The following RELB variants were observed in gnomAD, a reference collection of about 807,000 sequenced individuals.
The protein encoded by RELB is transcription factor RelB.
RELB carries 14 observed loss-of-function variants against 55.4 expected under a neutral mutation model. That is an observed-to-expected ratio of 0.25 (90% CI 0.17 to 0.40). The LOEUF (loss-of-function observed/expected upper bound fraction) is 0.40, where lower values mean the gene tolerates loss of function less well. Among genes scored for constraint, RELB ranks in the 10% least tolerant of loss-of-function variants. The pLI is 1.00. For missense variants in RELB, 669 were observed against 830.7 expected, an observed-to-expected ratio of 0.81 and a Z score of 2.39; for synonymous variants, 409 against 371.3, an observed-to-expected ratio of 1.10 and a Z score of -1.17.
At chr19:45,033,609 C>T (rs907460862) in intron 9 of RELB, among the ~76,000 whole-genome samples, 36 of 151,540 alleles carry the variant, frequency 2.4e-4, no homozygotes, top group Non-Finnish European at 2.8e-4. Flanking sequence ...TGCTTGAACC[C>T]GGGAGGCAGA....
intron 8 of RELB, 63 bp from the exon 9 acceptor site, chr19:45,032,471 G>A (rs1024862858): frequency 3.6e-6 from 5 of 1,380,632 alleles, no homozygotes; most frequent in Admixed American, 2.0e-5. Context: ...GGGAGGCTGG[G>A]CAAGTTGGGA....
Position 45,012,169 on chromosome 19 carries a change from C to A in RELB, c.397C>A (p.Pro133Thr). Reference protein sequence around the residue: ...PQPHLVITEQPKQRGMRFRYE... With the variant: ...PQPHLVITEQTKQRGMRFRYE... Reference sequence around the variant, plus strand: ...GCCGCACCTGGTCATCACGGAGCAGCCCAAGCAGCGCGGCATGCGCTTCCG... The same window carrying A: ...GCCGCACCTGGTCATCACGGAGCAGACCAAGCAGCGCGGCATGCGCTTCCG... Residue 133 changes from proline to threonine, a missense_variant, in exon 4 of 12, where the codon CCC becomes ACC. By Grantham distance (38) the Pro-to-Thr change is conservative. Around this residue, in one of 3 missense-constraint regions of RELB, gnomAD observed 323 missense variants for 368.5 expected, o/e 0.88. Coordinates refer to ENST00000221452, the MANE Select transcript of RELB (RefSeq NM_006509.4). 1 of 1,558,550 alleles carries A rather than the reference C, an allele frequency of 6.4e-7. No homozygotes were observed. The highest frequency in any genetic ancestry group is 1.2e-5 in the South Asian group (1 of 84,820).
chr19:45,013,212 C>T (rs1005829096), intron 4 of RELB, among the ~76,000 whole-genome samples: 2 of 151,710 alleles, frequency 1.3e-5, no homozygotes, highest in Non-Finnish European at 2.9e-5. Context: ...TGTGATCTCG[C>T]CTCACTGCAA....
At position 45,033,763 on chromosome 19, in the gene RELB, G is replaced by A. The variant is rs367913732; in HGVS notation, c.1208-481G>A. Reference sequence around the variant, plus strand: ...TCGCCGTGTTGGTCAGGCTGGTCTCGGACTCCTGACCTCAGGTGATCCGCC... The same window carrying A: ...TCGCCGTGTTGGTCAGGCTGGTCTCAGACTCCTGACCTCAGGTGATCCGCC... On this transcript the variant is annotated intron_variant, in intron 9 of 11. Coordinates refer to ENST00000221452, the MANE Select transcript of RELB (RefSeq NM_006509.4). Among the ~76,000 whole-genome samples, 16 of 150,876 alleles carry A rather than the reference G, an allele frequency of 1.1e-4. No homozygotes were observed. The East Asian group carries it at 3.1e-3, about 29-fold the overall frequency.
chr19:45,034,246 A>T lies in RELB; in HGVS notation c.1210A>T (p.Ser404Cys). 6.2e-7 allele frequency: 1 copy of T among 1,613,486 alleles called. No individual in the cohort carries two copies. Among genetic ancestry groups the T allele is most frequent in the Non-Finnish European group, 8.5e-7 (1 of 1,179,388 alleles). ...TGTCCCTGGTATCTCCTTAACAGAC[A>T]GCTACGGCGTGGACAAGAAGCGGAA... ...PFTYLPRDHD[S>C]YGVDKKRKRG... The change falls in exon 10 of 12, where the codon AGC becomes TGC. Residue 404 changes from serine to cysteine, a missense_variant and splice_region_variant. Transcript: ENST00000221452.
At chr19:45,033,974 T>G (rs919094181) in intron 9 of RELB, among the ~76,000 whole-genome samples, 6 of 151,128 alleles carry the variant, frequency 4.0e-5, no homozygotes, top group African/African-American at 1.5e-4. Flanking sequence ...GGCCAACATA[T>G]AGTGAAATCC....
chr19:45,037,671 GC>G lies in RELB; in HGVS notation c.1625del (p.Pro542ArgfsTer64). 6.4e-7 allele frequency: 1 copy of G among 1,569,468 alleles called. No individual in the cohort carries two copies. On this transcript the variant is annotated frameshift_variant, in exon 12 of 12. Coordinates refer to ENST00000221452, the MANE Select transcript of RELB (RefSeq NM_006509.4). LOFTEE classifies it high-confidence loss of function. ...ACCACTGACACTGGACTCGTACCAG[GC>G]CCCGGGCCCCGGGGATGGAGGCACC... ...PEPLTLDSYQ[A>X]PGPGDGGTAS...
At position 45,025,223 on chromosome 19, in the gene RELB, C is replaced by T. The variant is rs1388052642; in HGVS notation, c.663-106C>T. On this transcript the variant is annotated intron_variant, in intron 5 of 11. Coordinates refer to ENST00000221452, the MANE Select transcript of RELB (RefSeq NM_006509.4). ...ACCCCTGGGCCTGGGATGTCAGCCCCTGAGAGCCTGAGCCCCACAGCAGCA... is the reference window on the plus strand; with the variant it reads ...ACCCCTGGGCCTGGGATGTCAGCCCTTGAGAGCCTGAGCCCCACAGCAGCA... 7.8e-6 allele frequency: 6 copies of T among 768,726 alleles called. No homozygotes were observed. In the Admixed American group the frequency reaches 1.3e-4, roughly 17 times the overall value. The allele number at this position is 768,726 out of a possible 1,614,324, so 47.6% of individuals were successfully genotyped here.
chr19:45,022,085 G>A lies in RELB; in HGVS notation c.537G>A (p.Glu179=). ...ATTGTGGAGGGCTGCGGGAGGTGGAGGTGACTGCCTGCCTGGTGTGGAAGG... is the reference window on the plus strand; with the variant it reads ...ATTGTGGAGGGCTGCGGGAGGTGGAAGTGACTGCCTGCCTGGTGTGGAAGG... ...LRDCGGLREV[E]VTACLVWKDW... Residue 179 remains glutamate, a synonymous_variant, in exon 5 of 12, where the codon GAG becomes GAA. Transcript: ENST00000221452. The A allele has an allele frequency of 6.2e-7, 1 of 1,613,228 alleles. No homozygotes were observed. The highest frequency in any genetic ancestry group is 8.5e-7 in the Non-Finnish European group (1 of 1,179,622).
rs1296098047 is a variant in RELB, at chr19:45,037,615, G to C, written c.1565G>C (p.Gly522Ala). 1.9e-6 allele frequency: 3 copies of C among 1,603,914 alleles called. No homozygotes were observed. Reference sequence around the variant, plus strand: ...GCTGTTGTGTGCAGCGGAGGTGCCGGGGCCGTGGTTGGGGAGACCCCCGGC... The same window carrying C: ...GCTGTTGTGTGCAGCGGAGGTGCCGCGGCCGTGGTTGGGGAGACCCCCGGC... The part of the protein sequence containing the change: ...ASAVVCSGGA[G>A]AVVGETPGPE... Residue 522 changes from glycine to alanine, a missense_variant, in exon 12 of 12, where the codon GGG (glycine) becomes GCG (alanine). Physicochemically the swap from Gly to Ala is moderately conservative, Grantham distance 60. Coordinates refer to ENST00000221452, the MANE Select transcript of RELB (RefSeq NM_006509.4).
chr19:45,019,172 C>A (rs542609398), intron 4 of RELB, among the ~76,000 whole-genome samples: 1 of 152,214 alleles, frequency 6.6e-6, no homozygotes, highest in Admixed American at 6.6e-5. Context: ...AAGCAGTTTT[C>A]CCATCTTAGC....
rs199579874 is a variant in RELB at position 45,011,756 on chromosome 19, C to CTGTGTG, written c.164-143_164-138dup. Among the ~76,000 whole-genome samples, 298 of 59,816 alleles carry CTGTGTG rather than the reference C, an allele frequency of 5.0e-3. 8 individuals are homozygous for CTGTGTG. The highest frequency in any genetic ancestry group is 8.8e-3 in the Middle Eastern group (1 of 114). 39.2% of individuals were successfully genotyped at this position (59,816 alleles called of 152,430 possible). ...GCCACCGCACCTGGCCTCCCTGACT[C>CTGTGTG]TGTGTGTGTGTGTGTGTGTGTGTGT... On this transcript the variant is annotated intron_variant, in intron 3 of 11. Coordinates refer to ENST00000221452, the MANE Select transcript of RELB (RefSeq NM_006509.4).
At chr19:45,003,369 G>A (rs1207225938) in intron 2 of RELB, among the ~76,000 whole-genome samples, 1 of 151,126 alleles carries the variant, frequency 6.6e-6, no homozygotes. Flanking sequence ...CAGCTACTCG[G>A]GAGGCTGAGG....
intron 3 of RELB, among the ~76,000 whole-genome samples, chr19:45,011,704 C>T (rs1971353303): frequency 6.7e-6 from 1 of 149,548 alleles, no homozygotes; most frequent in Non-Finnish European, 1.5e-5. Flanking sequence ...ACCTTGGCCT[C>T]CCAAGGTGTT....
At chr19:45,016,306 A>C (rs1231026501) in intron 4 of RELB, among the ~76,000 whole-genome samples, 1 of 152,090 alleles carries the variant, frequency 6.6e-6, no homozygotes, top group Non-Finnish European at 1.5e-5. Flanking sequence ...TTTTACACCA[A>C]ACTGTAGTAT....
At position 45,012,250 on chromosome 19, in the gene RELB, G is replaced by A. The variant is rs1253399519; in HGVS notation, c.478G>A (p.Ala160Thr). The change falls in exon 4 of 12, where the codon GCC becomes ACC. Residue 160 changes from alanine to threonine, a missense_variant. Coordinates refer to ENST00000221452, the MANE Select transcript of RELB (RefSeq NM_006509.4). ...GSILGESSTE[A>T]SKTLPAIELR... ...CATCCTTGGGGAGAGCAGCACCGAG[G>A]CCAGCAAGACGCTGCCCGCCATCGA... 1.4e-6 allele frequency: 2 copies of A among 1,441,206 alleles called. No homozygotes were observed. The highest frequency in any genetic ancestry group is 1.8e-6 in the Non-Finnish European group (2 of 1,107,994). 89.3% of individuals were successfully genotyped at this position (1,441,206 alleles called of 1,614,324 possible).
intron 4 of RELB, among the ~76,000 whole-genome samples, chr19:45,017,634 T>G (rs2122434610): frequency 6.6e-6 from 1 of 151,896 alleles, no homozygotes; most frequent in African/African-American, 2.4e-5. Flanking sequence ...ATACTTAATG[T>G]ATACATTTTG....
chr19:45,025,766 A>C, intron 7 of RELB, 29 bp downstream of exon 7: 1 of 1,613,338 alleles, frequency 6.2e-7, no homozygotes, highest in Non-Finnish European at 8.5e-7. Context: ...GGCCGTTAGG[A>C]TTGCCCTTGG....
At chr19:45,007,233 G>A (rs1971293124) in intron 2 of RELB, among the ~76,000 whole-genome samples, 1 of 152,154 alleles carries the variant, frequency 6.6e-6, no homozygotes, top group Non-Finnish European at 1.5e-5. Flanking sequence ...GCCCATCCTG[G>A]CTGCCCCTGA....
Sources: allele counts gnomAD v4.1 joint callset (sites outside exome capture counted in the v4.1 genomes callset), GRCh38; gene constraint gnomAD v4.1.1; regional missense constraint gnomAD v4.1.1; transcripts MANE v1.5; gene names NCBI Gene and HGNC (gene_info 2026-07-23, HGNC 2026-07-21).